Variants in PRKN observed in about 807,000 individuals in gnomAD.
PRKN encodes the protein parkin RBR E3 ubiquitin protein ligase.
In PRKN, 56 loss-of-function variants were observed where a neutral mutation model predicts 59.5. The observed-to-expected ratio is 0.94, with a 90% CI of 0.76 to 1.18. PRKN has a LOEUF of 1.18. PRKN is among the 50% of genes most tolerant of loss of function. The pLI, the probability that PRKN is intolerant of heterozygous loss-of-function variation, is 0.00. For synonymous variants in PRKN, 250 were observed against 222.1 expected (o/e 1.13, Z -1.12); for missense variants, 657 against 596.4 (o/e 1.10, Z -1.06).
intron 2 of PRKN, among the ~76,000 whole-genome samples, chr6:162,315,861 C>G (rs1405041387): frequency 6.6e-6 from 1 of 152,072 alleles, no homozygotes; most frequent in Non-Finnish European, 1.5e-5. Flanking sequence ...GTCACAAGAC[C>G]AAGAAAGTAT....
intron 6 of PRKN, among the ~76,000 whole-genome samples, chr6:161,942,359 T>C (rs1406065607): frequency 6.6e-6 from 1 of 152,062 alleles, no homozygotes; most frequent in African/African-American, 2.4e-5. Flanking sequence ...GGTGAAACCC[T>C]GTCTTTACTA....
intron 7 of PRKN, among the ~76,000 whole-genome samples, chr6:161,765,237 G>A (rs910007840): frequency 6.6e-6 from 1 of 152,120 alleles, no homozygotes; most frequent in Non-Finnish European, 1.5e-5. Context: ...AGCTACCCGT[G>A]CCAGTCCCTT....
chr6:162,603,106 T>C (rs934507951), intron 1 of PRKN, among the ~76,000 whole-genome samples: 1 of 152,192 alleles, frequency 6.6e-6, no homozygotes, highest in African/African-American at 2.4e-5. Context: ...GTGTTTCTTA[T>C]GAATGAATTG....
At chr6:161,474,212 AATTGGCTACTC>A (rs1790949808) in intron 9 of PRKN, among the ~76,000 whole-genome samples, 1 of 152,130 alleles carries the variant, frequency 6.6e-6, no homozygotes, top group Admixed American at 6.5e-5. Context: ...GTGAGGAATG[AATTGGCTACTC>A]CACGGAAGTG....
At position 161,562,255 on chromosome 6, in the gene PRKN, G is replaced by A. The variant is rs1157124258; in HGVS notation, c.933+7100C>T. 2.0e-5 allele frequency among the ~76,000 whole-genome samples: 3 copies of A among 151,888 alleles called. No homozygotes were observed. Among genetic ancestry groups the A allele is most frequent in the Admixed American group, 1.3e-4 (2 of 15,252 alleles). On this transcript the variant is annotated intron_variant, in intron 8 of 11. Coordinates refer to ENST00000366898, the MANE Select transcript of PRKN (RefSeq NM_004562.3). This position sits in a 1 kb window ranked among gnomAD's most constrained non-coding sequence, Gnocchi z 4.3. ...ATCGCCATTCTCCTCTGGAGGACCC[G>A]CCTTCTTGGCTTCCTCAACACCACA...
At chr6:161,476,677 G>A (rs931206351) in intron 9 of PRKN, among the ~76,000 whole-genome samples, 1 of 152,304 alleles carries the variant, frequency 6.6e-6, no homozygotes. Context: ...AAGACCCACC[G>A]ATTTGTTTCT....
At chr6:162,176,929 C>CTT (rs5881458) in intron 4 of PRKN, among the ~76,000 whole-genome samples, 96,906 of 145,642 alleles carry the variant, frequency 0.67, 33,583 homozygotes, top group Non-Finnish European at 0.78. Context: ...AATGAAATTC[C>CTT]TTTTTTTTTT....
chr6:162,263,111 ACT>A (rs1461814832), intron 2 of PRKN, among the ~76,000 whole-genome samples: 1 of 151,956 alleles, frequency 6.6e-6, no homozygotes, highest in Non-Finnish European at 1.5e-5. Context: ...ACAGAGTCTC[ACT>A]CTGTCATCCA....
intron 3 of PRKN, among the ~76,000 whole-genome samples, chr6:162,224,423 T>C (rs146354461): frequency 3.3e-5 from 5 of 152,288 alleles, no homozygotes; most frequent in African/African-American, 1.2e-4. Context: ...GGCTATACCA[T>C]GCAGGTCTGT....
At chr6:161,934,773 T>G (rs1189124391) in intron 6 of PRKN, among the ~76,000 whole-genome samples, 1 of 152,164 alleles carries the variant, frequency 6.6e-6, no homozygotes, top group Admixed American at 6.5e-5. Flanking sequence ...TGTATTAATC[T>G]AGTAAAACAA....
chr6:161,566,891 C>G lies in PRKN; in HGVS notation c.933+2464G>C, dbSNP rs1052428978. On this transcript the variant is annotated intron_variant, in intron 8 of 11. Transcript: ENST00000366898. The surrounding 1 kb of genome is among the most constrained non-coding windows in gnomAD (Gnocchi z 4.1). ...GCTTCATCCACTCTGTGGAAATCTC[C>G]TTTCCCAGATGTCACCATGAGGCTT... Among the ~76,000 whole-genome samples, 20 of 152,156 alleles carry G rather than the reference C, an allele frequency of 1.3e-4. No individual in the cohort carries two copies. The highest frequency in any genetic ancestry group is 4.1e-4 in the South Asian group (2 of 4,830).
intron 7 of PRKN, among the ~76,000 whole-genome samples, chr6:161,587,273 G>C (rs1305154830): frequency 6.6e-6 from 1 of 152,160 alleles, no homozygotes; most frequent in Non-Finnish European, 1.5e-5. Context: ...AAAGGAGAGC[G>C]ATTCTTTATT....
intron 7 of PRKN, among the ~76,000 whole-genome samples, chr6:161,618,306 T>A (rs992166057): frequency 4.6e-5 from 7 of 152,194 alleles, no homozygotes; most frequent in Non-Finnish European, 7.3e-5. Context: ...CTCCTGACCT[T>A]GTTGCCCCAG....
Position 161,355,196 on chromosome 6 carries a change from G to A in PRKN, c.1285+4892C>T, listed in dbSNP as rs1166194879. ...CCGGTGTCTTTGCTCATGCAGTCCTGGGGCCTAGGACGCCTCCTCCTGCTC... is the reference window on the plus strand; with the variant it reads ...CCGGTGTCTTTGCTCATGCAGTCCTAGGGCCTAGGACGCCTCCTCCTGCTC... On this transcript the variant is annotated intron_variant, in intron 11 of 11. Coordinates refer to ENST00000366898, the MANE Select transcript of PRKN (RefSeq NM_004562.3). This position sits in a 1 kb window ranked among gnomAD's most constrained non-coding sequence, Gnocchi z 6.8. 2.0e-5 allele frequency among the ~76,000 whole-genome samples: 3 copies of A among 152,186 alleles called. No individual in the cohort carries two copies. Among genetic ancestry groups the A allele is most frequent in the Admixed American group, 2.0e-4 (3 of 15,268 alleles).
intron 2 of PRKN, among the ~76,000 whole-genome samples, chr6:162,341,646 C>A (rs1456872871): frequency 6.6e-6 from 1 of 152,060 alleles, no homozygotes; most frequent in Non-Finnish European, 1.5e-5. Context: ...TCTCAGCAAA[C>A]TAACACAGGC....
intron 4 of PRKN, among the ~76,000 whole-genome samples, chr6:162,120,697 A>G (rs992191493): frequency 6.6e-6 from 1 of 152,182 alleles, no homozygotes; most frequent in Non-Finnish European, 1.5e-5. Flanking sequence ...GAATTCCTGC[A>G]TGTCTCTCTG....
chr6:162,022,912 G>T (rs944588071), intron 5 of PRKN, among the ~76,000 whole-genome samples: 3 of 152,098 alleles, frequency 2.0e-5, no homozygotes, highest in African/African-American at 4.8e-5. Context: ...ATTCAATAGG[G>T]TGTATTTTCC....
chr6:162,142,061 T>C (rs188708994), intron 4 of PRKN, among the ~76,000 whole-genome samples: 20 of 152,266 alleles, frequency 1.3e-4, no homozygotes, highest in Admixed American at 1.1e-3. Flanking sequence ...TATCCATGCA[T>C]AAGCTGCTTA....
chr6:161,893,678 A>C (rs1224797799), intron 6 of PRKN, among the ~76,000 whole-genome samples: 1 of 152,204 alleles, frequency 6.6e-6, no homozygotes, highest in Non-Finnish European at 1.5e-5. Context: ...TTCTTTACAC[A>C]CACTGCTTGG....
Sources: gnomAD v4.1 joint callset for allele counts (sites outside exome capture counted in the v4.1 genomes callset) on GRCh38, gnomAD v4.1.1 for gene constraint, Gnocchi (gnomAD v3.1) non-coding constraint, MANE v1.5 for transcripts, NCBI Gene and HGNC (gene_info 2026-07-23, HGNC 2026-07-21) for gene names.